Variants in JAKMIP1 observed in about 807,000 individuals in gnomAD.
The protein encoded by JAKMIP1 is janus kinase and microtubule-interacting protein 1.
In JAKMIP1, 33 loss-of-function variants were observed where a neutral mutation model predicts 113.0. That is an observed-to-expected ratio of 0.29 (90% CI 0.22 to 0.39). The LOEUF is 0.39. Ranked by LOEUF, JAKMIP1 falls within the 10% of genes least tolerant of loss-of-function variation. The pLI is 1.00. For missense variants in JAKMIP1, 813 were observed against 1,080.5 expected (o/e 0.75, Z 3.47); for synonymous variants, 480 against 459.9 (o/e 1.04, Z -0.56).
chr4:6,152,165 G>A (rs1214400118), intron 1 of JAKMIP1, among the ~76,000 whole-genome samples: 3 of 152,016 alleles, frequency 2.0e-5, no homozygotes, highest in Non-Finnish European at 2.9e-5. Flanking sequence ...GAGAGTGAGA[G>A]AGAGCAGGGA....
chr4:6,048,779 G>C (rs1715302423), intron 16 of JAKMIP1, 78 bp downstream of exon 16: 1 of 1,229,866 alleles, frequency 8.1e-7, no homozygotes, highest in Non-Finnish European at 1.2e-6. Context: ...CGCAAAGCAA[G>C]ACGCCAATGT....
Position 6,116,501 on chromosome 4 carries a change from C to A in JAKMIP1, c.-147-3504G>T, listed in dbSNP as rs923705381. On this transcript the variant is annotated intron_variant, in intron 1 of 20. Coordinates refer to ENST00000409021, the MANE Select transcript of JAKMIP1 (RefSeq NM_001099433.2). The surrounding 1 kb of genome is among the most constrained non-coding windows in gnomAD (Gnocchi z 5.1). Reference sequence around the variant, plus strand: ...AGGCTCCTTCCTGAAGGCACGGGGACCTTGGACCTGCTGACCCTGGACCTT... The same window carrying A: ...AGGCTCCTTCCTGAAGGCACGGGGAACTTGGACCTGCTGACCCTGGACCTT... 1.3e-5 allele frequency among the ~76,000 whole-genome samples: 2 copies of A among 152,122 alleles called. No individual in the cohort carries two copies. Among genetic ancestry groups the A allele is most frequent in the African/African-American group, 4.8e-5 (2 of 41,410 alleles).
intron 12 of JAKMIP1, among the ~76,000 whole-genome samples, chr4:6,055,765 C>T (rs1716317316): frequency 6.6e-6 from 1 of 151,584 alleles, no homozygotes; most frequent in Admixed American, 6.6e-5. Context: ...GCAGGGTATC[C>T]CCAAAGGACA....
chr4:6,177,689 G>A (rs1725518226), intron 1 of JAKMIP1, among the ~76,000 whole-genome samples: 1 of 152,152 alleles, frequency 6.6e-6, no homozygotes, highest in Non-Finnish European at 1.5e-5. Flanking sequence ...CCCACAGACG[G>A]AGGCAGATCA....
At chr4:6,053,105 C>T (rs531461528) in intron 13 of JAKMIP1, among the ~76,000 whole-genome samples, 1 of 152,292 alleles carries the variant, frequency 6.6e-6, no homozygotes, top group South Asian at 2.1e-4. Context: ...ACTACAGGTG[C>T]TTAGAGAAAC....
Position 6,105,695 on chromosome 4 carries a change from G to T in JAKMIP1, c.402C>A (p.Thr134=), listed in dbSNP as rs571748093. 1.9e-6 allele frequency: 3 copies of T among 1,603,280 alleles called. No homozygotes were observed. Among genetic ancestry groups the T allele is most frequent in the Admixed American group, 1.7e-5 (1 of 59,366 alleles). ...CCCTGCGCGCCTCCTCGCGCGCCTC[G>T]GTCAGCAGCGCCGTCTTGACCTTGT... The part of the protein sequence containing the change: ...AADKVKTALL[T]EAREEARRAF... The change falls in exon 3 of 21, where the codon ACC becomes ACA. Residue 134 remains threonine, a synonymous_variant. Coordinates refer to ENST00000409021, the MANE Select transcript of JAKMIP1 (RefSeq NM_001099433.2).
At chr4:6,028,535 T>A (rs1378871042) in intron 20 of JAKMIP1, among the ~76,000 whole-genome samples, 1 of 152,192 alleles carries the variant, frequency 6.6e-6, no homozygotes, top group Non-Finnish European at 1.5e-5. Context: ...GGGCACATGG[T>A]TTGATTCCCT....
intron 3 of JAKMIP1, among the ~76,000 whole-genome samples, chr4:6,103,851 A>G (rs2108870892): frequency 6.6e-6 from 1 of 152,166 alleles, no homozygotes; most frequent in Non-Finnish European, 1.5e-5. Context: ...CATTTTTGAT[A>G]TTAGTAATTT....
At chr4:6,060,345 G>T in intron 11 of JAKMIP1, 79 bp downstream of exon 11, 1 of 1,090,870 alleles carries the variant, frequency 9.2e-7, no homozygotes, top group Non-Finnish European at 1.4e-6. Flanking sequence ...GTCCCCCTTG[G>T]CACAAGGGCG....
At chr4:6,027,789 G>A (rs531035295) in intron 20 of JAKMIP1, among the ~76,000 whole-genome samples, 1 of 152,332 alleles carries the variant, frequency 6.6e-6, no homozygotes, top group Non-Finnish European at 1.5e-5. Flanking sequence ...GACATAGTGA[G>A]TGTTATTTTA....
rs1457696786 is a variant in JAKMIP1, at chr4:6,040,478, C to T, written c.2175+161G>A. On this transcript the variant is annotated intron_variant, in intron 18 of 20. Transcript: ENST00000409021. This position sits in a 1 kb window ranked among gnomAD's most constrained non-coding sequence, Gnocchi z 5.8. ...ATCACGATTGATTTGGAAAAAGGGACAGTCTGTACGGTCATTCCAGTCACA... is the reference window on the plus strand; with the variant it reads ...ATCACGATTGATTTGGAAAAAGGGATAGTCTGTACGGTCATTCCAGTCACA... 6.6e-6 allele frequency among the ~76,000 whole-genome samples: 1 copy of T among 152,172 alleles called. No homozygotes were observed. Among genetic ancestry groups the T allele is most frequent in the African/African-American group, 2.4e-5 (1 of 41,430 alleles).
rs1315528179 is a variant in JAKMIP1, at chr4:6,042,921, G to A, written c.2029-694C>T. Among the ~76,000 whole-genome samples, 3 of 152,050 alleles carry A rather than the reference G, an allele frequency of 2.0e-5. No individual in the cohort carries two copies. The highest frequency in any genetic ancestry group is 1.9e-4 in the East Asian group (1 of 5,154). Reference sequence around the variant, plus strand: ...GAACAGGCGGGGCGTGCACCTGAGCGGCAGGTAAGGGAGTGGGAGCTCTGT... The same window carrying A: ...GAACAGGCGGGGCGTGCACCTGAGCAGCAGGTAAGGGAGTGGGAGCTCTGT... On this transcript the variant is annotated intron_variant, in intron 16 of 20. Transcript: ENST00000409021. The surrounding 1 kb of genome is among the most constrained non-coding windows in gnomAD (Gnocchi z 5.2).
At position 6,031,459 on chromosome 4, in the gene JAKMIP1, C is replaced by T. The variant is rs1023262338; in HGVS notation, c.2380-1678G>A. On this transcript the variant is annotated intron_variant, in intron 19 of 20. Transcript: ENST00000409021. The surrounding 1 kb of genome is among the most constrained non-coding windows in gnomAD (Gnocchi z 4.4). Reference sequence around the variant, plus strand: ...GCATGAGGAGGGGTGAGGTATCGTGCCGTGGGCTGGAGGAGACGTGGAACC... The same window carrying T: ...GCATGAGGAGGGGTGAGGTATCGTGTCGTGGGCTGGAGGAGACGTGGAACC... Among the ~76,000 whole-genome samples, 2 of 152,172 alleles carry T rather than the reference C, an allele frequency of 1.3e-5. No individual in the cohort carries two copies. Among genetic ancestry groups the T allele is most frequent in the African/African-American group, 4.8e-5 (2 of 41,524 alleles).
rs532011817 is a variant in JAKMIP1 at position 6,040,990 on chromosome 4, G to T, written c.2098-274C>A. On this transcript the variant is annotated intron_variant, in intron 17 of 20. Coordinates refer to ENST00000409021, the MANE Select transcript of JAKMIP1 (RefSeq NM_001099433.2). The surrounding 1 kb of genome is among the most constrained non-coding windows in gnomAD (Gnocchi z 5.8). ...CTTGGGTACCTGACTGTAAAGAAGG[G>T]ACCCACCTCAAACCAAGGCGCAAGT... is the stretch of plus-strand genomic sequence containing the variant. Among the ~76,000 whole-genome samples the T allele has an allele frequency of 2.6e-5, 4 of 152,120 alleles. No individual in the cohort carries two copies. Among genetic ancestry groups the T allele is most frequent in the Non-Finnish European group, 5.9e-5 (4 of 68,000 alleles).
At chr4:6,062,835 T>A (rs963755415) in intron 9 of JAKMIP1, among the ~76,000 whole-genome samples, 4 of 152,190 alleles carry the variant, frequency 2.6e-5, no homozygotes, top group Non-Finnish European at 5.9e-5. Context: ...ACTGAGCACC[T>A]CCCATTCTGG....
In JAKMIP1 at chr4:6,059,127, C is replaced by A. The variant is rs1716892851; in HGVS notation, c.1644+1297G>T. Among the ~76,000 whole-genome samples the A allele has an allele frequency of 6.6e-6, 1 of 152,210 alleles. No individual in the cohort carries two copies. The highest frequency in any genetic ancestry group is 2.4e-5 in the African/African-American group (1 of 41,442). ...GGTGGCCAGCTATAGCATGTGAGCT[C>A]TGCGTCACGATCCCACCGCATGGAG... On this transcript the variant is annotated intron_variant, in intron 11 of 20. Coordinates refer to ENST00000409021, the MANE Select transcript of JAKMIP1 (RefSeq NM_001099433.2). The surrounding 1 kb of genome is among the most constrained non-coding windows in gnomAD (Gnocchi z 4.8).
intron 4 of JAKMIP1, 37 bp downstream of exon 4, chr4:6,085,383 G>T: frequency 1.3e-6 from 2 of 1,589,130 alleles, no homozygotes; most frequent in Non-Finnish European, 1.7e-6. Context: ...ATGGGTGGGG[G>T]ACCAGCCTGA....
rs1722448987 is a variant in JAKMIP1, at chr4:6,157,958, A to G, written c.-148+42295T>C. On this transcript the variant is annotated intron_variant, in intron 1 of 20. Transcript: ENST00000409021. The surrounding 1 kb of genome is among the most constrained non-coding windows in gnomAD (Gnocchi z 4.7). ...TGATGCAACAGCTTTCTTTCTATGGATCACTTCATTCTCCCAAAGAACACA... is the reference window on the plus strand; with the variant it reads ...TGATGCAACAGCTTTCTTTCTATGGGTCACTTCATTCTCCCAAAGAACACA... Among the ~76,000 whole-genome samples the G allele has an allele frequency of 6.6e-6, 1 of 152,154 alleles. No homozygotes were observed.
rs529473948 is a variant in JAKMIP1 at position 6,105,588 on chromosome 4, C to T, written c.509G>A (p.Ser170Asn). ...AARKQAEEALSNCMQADKTKA... is the reference protein window; with the variant it reads ...AARKQAEEALNNCMQADKTKA... ...GGTCTTGTCAGCCTGCATGCAGTTACTGAGCGCCTCCTCTGCCTGCTTGCG... is the reference window on the plus strand; with the variant it reads ...GGTCTTGTCAGCCTGCATGCAGTTATTGAGCGCCTCCTCTGCCTGCTTGCG... Residue 170 changes from serine to asparagine, a missense_variant, in exon 3 of 21, where the codon AGT becomes AAT. By Grantham distance (46) the Ser-to-Asn change is conservative. Transcript: ENST00000409021. The T allele has an allele frequency of 5.6e-6, 9 of 1,598,440 alleles. No homozygotes were observed. The East Asian group carries it at 1.4e-4, about 24-fold the overall frequency.
Sources: allele counts gnomAD v4.1 joint callset (sites outside exome capture counted in the v4.1 genomes callset), GRCh38; gene constraint gnomAD v4.1.1; non-coding constraint Gnocchi (gnomAD v3.1); transcripts MANE v1.5; gene names NCBI Gene and HGNC (gene_info 2026-07-23, HGNC 2026-07-21).